The following OLFML1 variants were observed in gnomAD, a reference collection of about 807,000 sequenced individuals.
The protein encoded by OLFML1 is olfactomedin-like protein 1.
Under a neutral mutation model 37.3 loss-of-function variants are expected in OLFML1, and 33 were observed. The ratio of observed to expected loss-of-function variants is 0.88; its 90% CI spans 0.67 to 1.18. The LOEUF (loss-of-function observed/expected upper bound fraction) is 1.18, where lower values mean the gene tolerates loss of function less well. OLFML1 is among the 50% of genes most tolerant of loss of function. OLFML1 has a pLI of 0.00. For missense variants in OLFML1, 545 were observed against 483.7 expected (o/e 1.13, Z -1.19); for synonymous variants, 186 against 181.3 (o/e 1.03, Z -0.21).
At chr11:7,503,976 G>A (rs764920042) in intron 2 of OLFML1, among the ~76,000 whole-genome samples, 5 of 152,166 alleles carry the variant, frequency 3.3e-5, no homozygotes, top group African/African-American at 4.8e-5. Context: ...CCCTCATGGA[G>A]TTTATATTTT....
chr11:7,505,323 A>G (rs1029497766), intron 2 of OLFML1, among the ~76,000 whole-genome samples: 1 of 152,092 alleles, frequency 6.6e-6, no homozygotes. Flanking sequence ...CTATCTAACT[A>G]TCATTCCACT....
At chr11:7,505,594 G>T (rs556791000) in intron 2 of OLFML1, among the ~76,000 whole-genome samples, 4 of 152,316 alleles carry the variant, frequency 2.6e-5, no homozygotes, top group African/African-American at 9.6e-5. Context: ...ACTTTGGGAG[G>T]CCAAGGCAGT....
At chr11:7,508,600 G>A (rs1848812928) in intron 2 of OLFML1, among the ~76,000 whole-genome samples, 1 of 152,130 alleles carries the variant, frequency 6.6e-6, no homozygotes, top group Non-Finnish European at 1.5e-5. Context: ...CCCAATTTAT[G>A]CTCATAACCC....
At position 7,485,568 on chromosome 11, in the gene OLFML1, C is replaced by G; in HGVS notation, c.-308C>G. The stretch of plus-strand genomic sequence containing the variant: ...CAGGAAGCAGCTTGCAACCACTAGC[C>G]TGGGGAGGGTCCGCATGTGTCAAGG... On this transcript the variant is annotated 5_prime_UTR_variant, in exon 1 of 3. Coordinates refer to ENST00000329293, the MANE Select transcript of OLFML1 (RefSeq NM_198474.4). The G allele has an allele frequency of 3.5e-6, 1 of 285,710 alleles. No individual in the cohort carries two copies. The highest frequency in any genetic ancestry group is 6.6e-6 in the Non-Finnish European group (1 of 151,806). The allele number at this position is 285,710 out of a possible 1,614,324, so 17.7% of individuals were successfully genotyped here.
intron 2 of OLFML1, among the ~76,000 whole-genome samples, chr11:7,495,525 T>C (rs1257136356): frequency 6.6e-6 from 1 of 152,158 alleles, no homozygotes; most frequent in Non-Finnish European, 1.5e-5. Context: ...CACAGCAACT[T>C]TGAGTATCCC....
chr11:7,506,197 A>G (rs1017897655), intron 2 of OLFML1, among the ~76,000 whole-genome samples: 4 of 152,214 alleles, frequency 2.6e-5, no homozygotes, highest in Non-Finnish European at 5.9e-5. Context: ...TTGTTTTAAT[A>G]TAGGCTAGAT....
At chr11:7,508,047 TTAAAA>T (rs993111558) in intron 2 of OLFML1, among the ~76,000 whole-genome samples, 1 of 152,218 alleles carries the variant, frequency 6.6e-6, no homozygotes, top group African/African-American at 2.4e-5. Context: ...GGCTTTGTTC[TTAAAA>T]TAAAGTAAGC....
At chr11:7,489,548 C>T (rs987674199) in intron 2 of OLFML1, among the ~76,000 whole-genome samples, 1 of 151,702 alleles carries the variant, frequency 6.6e-6, no homozygotes, top group Non-Finnish European at 1.5e-5. Context: ...CTATAGAGAA[C>T]CATTGAGCAA....
At chr11:7,495,621 C>T (rs886593017) in intron 2 of OLFML1, among the ~76,000 whole-genome samples, 1 of 152,102 alleles carries the variant, frequency 6.6e-6, no homozygotes, top group Non-Finnish European at 1.5e-5. Flanking sequence ...TAAAATATAC[C>T]TCATGCATGC....
chr11:7,497,425 G>C (rs1029024679), intron 2 of OLFML1, among the ~76,000 whole-genome samples: 5 of 152,124 alleles, frequency 3.3e-5, no homozygotes, highest in African/African-American at 4.8e-5. Context: ...TACTATAGAG[G>C]GAAATGAACT....
chr11:7,487,526 G>T (rs1466752418), intron 1 of OLFML1, among the ~76,000 whole-genome samples: 1 of 152,134 alleles, frequency 6.6e-6, no homozygotes, highest in Non-Finnish European at 1.5e-5. Flanking sequence ...TTATTCTTTT[G>T]TTCAGCAAAT....
rs774731052 is a variant in OLFML1, at chr11:7,485,976, A to C, written c.101A>C (p.Tyr34Ser). ...ACCCAGGACCCAGCCATGGTGCATT[A>C]CATCTACCAGCGCTTTCGAGTCTTG... ...QCTQDPAMVH[Y>S]IYQRFRVLEQ... The change falls in exon 1 of 3, where the codon TAC (tyrosine) becomes TCC (serine). Residue 34 changes from tyrosine to serine, a missense_variant. Physicochemically the swap from Tyr to Ser is moderately radical, Grantham distance 144. Transcript: ENST00000329293. 5 of 1,613,948 alleles carry C rather than the reference A, an allele frequency of 3.1e-6. No homozygotes were observed. The highest frequency in any genetic ancestry group is 2.7e-5 in the African/African-American group (2 of 74,910).
At chr11:7,505,478 C>G (rs1046583319) in intron 2 of OLFML1, among the ~76,000 whole-genome samples, 9 of 152,206 alleles carry the variant, frequency 5.9e-5, no homozygotes, top group African/African-American at 1.9e-4. Context: ...CCACCACTCC[C>G]TGCTTCCATG....
intron 2 of OLFML1, among the ~76,000 whole-genome samples, chr11:7,491,576 T>C (rs77021309): frequency 3.8e-3 from 531 of 141,224 alleles, no homozygotes; most frequent in Non-Finnish European, 6.7e-3. Flanking sequence ...GGAATGTCAA[T>C]TTATTCCCGT....
At chr11:7,493,591 A>G (rs958682722) in intron 2 of OLFML1, among the ~76,000 whole-genome samples, 1 of 152,230 alleles carries the variant, frequency 6.6e-6, no homozygotes, top group South Asian at 2.1e-4. Context: ...TTGGAGGCGC[A>G]TGTAGAGTAC....
At chr11:7,497,947 C>A (rs922442313) in intron 2 of OLFML1, among the ~76,000 whole-genome samples, 36 of 152,320 alleles carry the variant, frequency 2.4e-4, no homozygotes, top group African/African-American at 8.4e-4. Flanking sequence ...TACCCATCCA[C>A]TGAAGCACTC....
chr11:7,505,321 C>G (rs570161119), intron 2 of OLFML1, among the ~76,000 whole-genome samples: 16 of 152,104 alleles, frequency 1.1e-4, no homozygotes, highest in Non-Finnish European at 2.1e-4. Context: ...CTCTATCTAA[C>G]TATCATTCCA....
chr11:7,492,064 G>A (rs1156409275), intron 2 of OLFML1, among the ~76,000 whole-genome samples: 1 of 152,164 alleles, frequency 6.6e-6, no homozygotes, highest in Non-Finnish European at 1.5e-5. Flanking sequence ...TACACTCACA[G>A]GTCCTGCCCA....
intron 2 of OLFML1, among the ~76,000 whole-genome samples, chr11:7,506,740 G>T (rs925060797): frequency 6.6e-6 from 1 of 152,166 alleles, no homozygotes; most frequent in African/African-American, 2.4e-5. Context: ...GGATATGGTG[G>T]CATAACTAGG....
Sources: allele counts gnomAD v4.1 joint callset (sites outside exome capture counted in the v4.1 genomes callset), GRCh38; gene constraint gnomAD v4.1.1; transcripts MANE v1.5; gene names NCBI Gene and HGNC (gene_info 2026-07-23, HGNC 2026-07-21).